Variants in PDCD6 observed in about 807,000 individuals in gnomAD.
The protein encoded by PDCD6 is programmed cell death 6.
Under a neutral mutation model 28.3 loss-of-function variants are expected in PDCD6, and 12 were observed. That is an observed-to-expected ratio of 0.42 (90% CI 0.27 to 0.69). The LOEUF is 0.69. PDCD6 is among the 30% of genes least tolerant of loss of function. The pLI, the probability that PDCD6 is intolerant of heterozygous loss-of-function variation, is 0.22. For missense variants in PDCD6, 226 were observed against 269.9 expected (o/e 0.84, Z 1.14); for synonymous variants, 92 against 108.0 (o/e 0.85, Z 0.92).
At chr5:302,398 TG>T (rs1740141802) in intron 2 of PDCD6, among the ~76,000 whole-genome samples, 1 of 100,550 alleles carries the variant, frequency 9.9e-6, no homozygotes, top group African/African-American at 6.2e-5. Flanking sequence ...TGCTGCTCTG[TG>T]TGTATGCCTC....
intron 2 of PDCD6, among the ~76,000 whole-genome samples, chr5:301,856 G>A (rs1171314318): frequency 2.1e-5 from 3 of 146,268 alleles, no homozygotes; most frequent in Non-Finnish European, 4.5e-5. Context: ...ATAACTGCTG[G>A]AGGGTGGGTC....
At chr5:273,886 A>G (rs1219421327) in intron 2 of PDCD6, among the ~76,000 whole-genome samples, 1 of 151,738 alleles carries the variant, frequency 6.6e-6, no homozygotes, top group Non-Finnish European at 1.5e-5. Flanking sequence ...TCTCTACACT[A>G]GTGATTGTGC....
intron 2 of PDCD6, among the ~76,000 whole-genome samples, chr5:279,233 C>T (rs1738411901): frequency 6.6e-6 from 1 of 152,048 alleles, no homozygotes; most frequent in South Asian, 2.1e-4. Flanking sequence ...CGCATCCTTG[C>T]CAGGGCCGGA....
intron 2 of PDCD6, among the ~76,000 whole-genome samples, chr5:286,093 CA>C (rs2126709890): frequency 7.9e-6 from 1 of 125,978 alleles, no homozygotes; most frequent in Non-Finnish European, 1.6e-5. Context: ...GCTGAGGACC[CA>C]GGGGGGAGCT....
intron 2 of PDCD6, chr5:289,896 A>G: frequency 6.6e-7 from 1 of 1,509,898 alleles, no homozygotes; most frequent in Non-Finnish European, 9.2e-7. Flanking sequence ...AACTATTGGA[A>G]TTGTTTTTCT....
chr5:290,615 A>G (rs1739258922), intron 2 of PDCD6, among the ~76,000 whole-genome samples: 1 of 152,276 alleles, frequency 6.6e-6, no homozygotes, highest in African/African-American at 2.4e-5. Context: ...TCTGAGAGTT[A>G]CTATTAGTGG....
chr5:286,146 G>T (rs1738948436), intron 2 of PDCD6, among the ~76,000 whole-genome samples: 1 of 147,506 alleles, frequency 6.8e-6, no homozygotes, highest in Non-Finnish European at 1.5e-5. Flanking sequence ...GACCCGGGGG[G>T]AGTTGATGTT....
chr5:284,574 G>C (rs1001805589), intron 2 of PDCD6, among the ~76,000 whole-genome samples: 1 of 152,206 alleles, frequency 6.6e-6, no homozygotes, highest in African/African-American at 2.4e-5. Context: ...GCGGGAAGCT[G>C]ATGTTCCGGT....
At chr5:283,256 CT>C (rs1192122177) in intron 2 of PDCD6, among the ~76,000 whole-genome samples, 3 of 150,712 alleles carry the variant, frequency 2.0e-5, no homozygotes, top group African/African-American at 7.3e-5. Flanking sequence ...GGTCATGCAG[CT>C]GAAGACTTGG....
At chr5:285,161 A>G (rs1381132231) in intron 2 of PDCD6, among the ~76,000 whole-genome samples, 5 of 134,216 alleles carry the variant, frequency 3.7e-5, no homozygotes, top group East Asian at 2.9e-4. Context: ...TGATGTTGCA[A>G]TTGGAGGGCC....
intron 2 of PDCD6, among the ~76,000 whole-genome samples, chr5:296,354 C>T (rs992432835): frequency 2.0e-5 from 3 of 152,124 alleles, no homozygotes; most frequent in African/African-American, 7.2e-5. Flanking sequence ...TCTCTCGCCA[C>T]AGAGGGGTCA....
intron 2 of PDCD6, among the ~76,000 whole-genome samples, chr5:278,343 C>CT (rs1449507978): frequency 6.6e-6 from 1 of 151,914 alleles, no homozygotes. Context: ...CCACATTAAG[C>CT]TCCTGTTCTA....
intron 2 of PDCD6, among the ~76,000 whole-genome samples, chr5:302,107 T>TGTGTGTGTGTGCGC (rs113802406): frequency 5.4e-5 from 6 of 111,594 alleles, no homozygotes; most frequent in African/African-American, 1.6e-4. Flanking sequence ...TGTGTGTGTG[T>TGTGTGTGTGTGCGC]GCCTTGGGTT....
intron 2 of PDCD6, among the ~76,000 whole-genome samples, chr5:299,090 TC>T (rs35501419): frequency 1.6e-3 from 1 of 626 alleles, no homozygotes; most frequent in Non-Finnish European, 4.1e-3. Context: ...ACCCAGCTGC[TC>T]CCCCCCAGCT....
At chr5:288,560 TAA>T (rs201696884) in intron 2 of PDCD6, among the ~76,000 whole-genome samples, 1 of 143,090 alleles carries the variant, frequency 7.0e-6, no homozygotes, top group Non-Finnish European at 1.5e-5. Flanking sequence ...AATCCTAAAT[TAA>T]AAAAAAAAAA....
Position 302,491 on chromosome 5 carries a change from C to CTGTGTG in PDCD6, c.164-1668_164-1663dup, listed in dbSNP as rs111715060. On this transcript the variant is annotated intron_variant, in intron 2 of 5. Coordinates refer to ENST00000264933, the MANE Select transcript of PDCD6 (RefSeq NM_013232.4). ...GAGGGCGGGTCATGGAGTGCTGCTG[C>CTGTGTG]TGTGTGTGTGTGTGTGTGTGTGTAT... 4.8e-3 allele frequency among the ~76,000 whole-genome samples: 255 copies of CTGTGTG among 53,360 alleles called. 9 individuals carry two copies. The highest frequency in any genetic ancestry group is 0.013 in the African/African-American group (95 of 7,258). 35.0% of individuals were successfully genotyped at this position (53,360 alleles called of 152,430 possible). A position where few individuals can be genotyped will look rare whatever the true frequency, so the allele number is the denominator to read the frequency against.
At chr5:313,239 A>G (rs1040705850) in intron 5 of PDCD6, among the ~76,000 whole-genome samples, 1 of 152,256 alleles carries the variant, frequency 6.6e-6, no homozygotes, top group African/African-American at 2.4e-5. Flanking sequence ...GTTTTTATTT[A>G]TCTGCTTTTT....
chr5:276,526 C>G (rs1490479520), intron 2 of PDCD6: 11 of 977,198 alleles, frequency 1.1e-5, no homozygotes, highest in South Asian at 4.7e-5. Context: ...GTCTCAAACT[C>G]CTAGGCTCAA....
At chr5:310,705 A>AGAAG (rs1740851536) in intron 4 of PDCD6, 1 of 153,968 alleles carries the variant, frequency 6.5e-6, no homozygotes, top group Non-Finnish European at 1.4e-5. Context: ...GACCTTTCCG[A>AGAAG]GGTCACCCTG....
Sources: gnomAD v4.1 joint callset for allele counts (sites outside exome capture counted in the v4.1 genomes callset) on GRCh38, gnomAD v4.1.1 for gene constraint, MANE v1.5 for transcripts, NCBI Gene and HGNC (gene_info 2026-07-23, HGNC 2026-07-21) for gene names.